PITHD1: variants seen among roughly 807,000 people sequenced by gnomAD.
PITHD1 encodes the protein PITH domain containing 1.
PITHD1 carries 8 observed loss-of-function variants against 27.5 expected under a neutral mutation model. The observed-to-expected ratio is 0.29, with a 90% CI of 0.17 to 0.52. PITHD1 has a LOEUF of 0.52. PITHD1 is among the 20% of genes least tolerant of loss of function. The pLI is 0.96. For synonymous variants in PITHD1, 118 were observed against 106.8 expected (o/e 1.10, Z -0.64); for missense variants, 233 against 283.9 (o/e 0.82, Z 1.29).
At chr1:23,779,985 CTT>C (rs771093032) in intron 3 of PITHD1, 44 bp downstream of exon 3, 5 of 1,195,348 alleles carry the variant, frequency 4.2e-6, no homozygotes, top group Non-Finnish European at 6.2e-6. Context: ...TCCTAATTCT[CTT>C]TTTCTGGTAA....
chr1:23,780,202 T>C (rs1397147939), intron 3 of PITHD1, among the ~76,000 whole-genome samples: 1 of 152,230 alleles, frequency 6.6e-6, no homozygotes, highest in Non-Finnish European at 1.5e-5. Context: ...TCAGAGAGCA[T>C]TGTGTAAATG....
chr1:23,782,988 T>C (rs1638624543), intron 3 of PITHD1, among the ~76,000 whole-genome samples: 1 of 150,912 alleles, frequency 6.6e-6, no homozygotes, highest in African/African-American at 2.4e-5. Flanking sequence ...TAAATATATG[T>C]ATTTTATTTT....
chr1:23,784,781 A>T (rs1638659853), intron 3 of PITHD1, among the ~76,000 whole-genome samples: 1 of 152,112 alleles, frequency 6.6e-6, no homozygotes, highest in South Asian at 2.1e-4. Flanking sequence ...CAGTGGCGTG[A>T]TCTTGGCTCA....
In PITHD1 at chr1:23,784,778, G is replaced by A. The variant is rs540197117; in HGVS notation, c.321-897G>A. On this transcript the variant is annotated intron_variant, in intron 3 of 5. Coordinates refer to ENST00000246151, the MANE Select transcript of PITHD1 (RefSeq NM_020362.5). ...GTCACCCAGGCTGGAGTACAGTGGC[G>A]TGATCTTGGCTCATTGCACCCTCTC... 1.4e-4 allele frequency among the ~76,000 whole-genome samples: 22 copies of A among 152,256 alleles called. No homozygotes were observed. In the South Asian group the frequency reaches 4.6e-3, roughly 32 times the overall value.
intron 3 of PITHD1, among the ~76,000 whole-genome samples, chr1:23,781,930 G>T (rs1278980206): frequency 6.6e-6 from 1 of 152,074 alleles, no homozygotes; most frequent in African/African-American, 2.4e-5. Context: ...ATAGCCCTCA[G>T]TTCTAAGCAC....
intron 3 of PITHD1, among the ~76,000 whole-genome samples, chr1:23,782,938 T>G (rs1469386538): frequency 6.6e-6 from 1 of 152,092 alleles, no homozygotes; most frequent in Non-Finnish European, 1.5e-5. Context: ...GCTGTTAATT[T>G]TGTTATCTGT....
intron 2 of PITHD1, 69 bp downstream of exon 2, chr1:23,779,550 C>G: frequency 8.6e-7 from 1 of 1,160,046 alleles, no homozygotes; most frequent in Non-Finnish European, 1.3e-6. Context: ...TGGATTCATT[C>G]ACTGGTGTCA....
At chr1:23,782,125 G>A (rs1305553639) in intron 3 of PITHD1, among the ~76,000 whole-genome samples, 5 of 152,140 alleles carry the variant, frequency 3.3e-5, no homozygotes, top group Non-Finnish European at 7.4e-5. Context: ...TGTTACTAAA[G>A]AATTACCATT....
chr1:23,785,527 T>G, intron 3 of PITHD1, 148 bp from the exon 4 acceptor site: 3 of 526,060 alleles, frequency 5.7e-6, no homozygotes, highest in Admixed American at 6.2e-5. Flanking sequence ...TGGAGATACT[T>G]GTATAAAATG....
At chr1:23,783,893 A>G (rs1638645907) in intron 3 of PITHD1, among the ~76,000 whole-genome samples, 1 of 152,364 alleles carries the variant, frequency 6.6e-6, no homozygotes, top group Non-Finnish European at 1.5e-5. Context: ...GAGATTCATT[A>G]TGTAATCTCT....
chr1:23,786,460 A>AC lies in PITHD1; in HGVS notation c.534+38dup, dbSNP rs777159263. Reference sequence around the variant, plus strand: ...TTGGAAAGGTTTTCCCCTCATGTCTACATATCTGCACACTGTGGTGATGGG... The same window carrying AC: ...TTGGAAAGGTTTTCCCCTCATGTCTACCATATCTGCACACTGTGGTGATGGG... On this transcript the variant is annotated intron_variant, in intron 5 of 5. Transcript: ENST00000246151. 4.4e-6 allele frequency: 4 copies of AC among 904,336 alleles called. No individual in the cohort carries two copies. The South Asian group carries it at 6.4e-5, about 14-fold the overall frequency. 56.0% of individuals were successfully genotyped at this position (904,336 alleles called of 1,614,324 possible). A position where few individuals can be genotyped will look rare whatever the true frequency, so the allele number is the denominator to read the frequency against.
chr1:23,781,086 G>C (rs1173180043), intron 3 of PITHD1, among the ~76,000 whole-genome samples: 2 of 152,062 alleles, frequency 1.3e-5, no homozygotes. Flanking sequence ...TACTTGGGAG[G>C]CTGAGGCAGG....
intron 3 of PITHD1, 69 bp from the exon 4 acceptor site, chr1:23,785,603 CAGT>C (rs1269225920): frequency 3.6e-6 from 3 of 834,750 alleles, no homozygotes; most frequent in South Asian, 1.4e-5. Flanking sequence ...TTTAAGCAGT[CAGT>C]AGAAAATTTT....
intron 3 of PITHD1, among the ~76,000 whole-genome samples, chr1:23,780,760 A>G (rs866243032): frequency 1.3e-5 from 2 of 152,028 alleles, no homozygotes; most frequent in Non-Finnish European, 2.9e-5. Context: ...CTGTAATCCC[A>G]GCTACTAGGG....
In PITHD1 at chr1:23,778,599, C is replaced by G. The variant is rs1439112429; in HGVS notation, c.84C>G (p.Ala28=). 1 of 1,330,216 alleles carries G rather than the reference C, an allele frequency of 7.5e-7. No homozygotes were observed. The highest frequency in any genetic ancestry group is 9.6e-7 in the Non-Finnish European group (1 of 1,041,590). The allele number at this position is 1,330,216 out of a possible 1,614,324, so 82.4% of individuals were successfully genotyped here. Residue 28 remains alanine (A), a synonymous_variant, in exon 1 of 6, where the codon GCC becomes GCG. Transcript: ENST00000246151. Reference sequence around the variant, plus strand: ...AGCCGCCCGAGCAGCGCGGCCTGGCCTACGGCCTGTACCTGCGCATCGACC... The same window carrying G: ...AGCCGCCCGAGCAGCGCGGCCTGGCGTACGGCCTGTACCTGCGCATCGACC... ...REEPPEQRGL[A]YGLYLRIDLE...
At chr1:23,784,174 T>A in intron 3 of PITHD1, among the ~76,000 whole-genome samples, 1 of 151,968 alleles carries the variant, frequency 6.6e-6, no homozygotes, top group East Asian at 1.9e-4. Flanking sequence ...AAATGTTTAC[T>A]ATTATTATTA....
rs1638671927 is a variant in PITHD1, at chr1:23,785,667, T to C, written c.321-8T>C. On this transcript the variant is annotated splice_region_variant and splice_polypyrimidine_tract_variant and intron_variant, in intron 3 of 5. Transcript: ENST00000246151. ...ATTTCTTGACTTTTCTTTCCTTTCC[T>C]TTCTCAGGTACAAGAATATTCCACA... is the stretch of plus-strand genomic sequence containing the variant. 1 of 1,558,844 alleles carries C rather than the reference T, an allele frequency of 6.4e-7. No individual in the cohort carries two copies. Among genetic ancestry groups the C allele is most frequent in the Non-Finnish European group, 8.8e-7 (1 of 1,130,716 alleles).
rs916069623 is a variant in PITHD1 at position 23,788,025 on chromosome 1, A to G, written c.*649A>G. On this transcript the variant is annotated 3_prime_UTR_variant, in exon 6 of 6. Coordinates refer to ENST00000246151, the MANE Select transcript of PITHD1 (RefSeq NM_020362.5). ...CTGCCTAGCTAAGCAGTCTGGGGAG[A>G]GCATGGGGATCATTTCTATGTGTGT... is the stretch of plus-strand genomic sequence containing the variant. 2.6e-5 allele frequency: 4 copies of G among 152,146 alleles called. No individual in the cohort carries two copies. Among genetic ancestry groups the G allele is most frequent in the African/African-American group, 9.7e-5 (4 of 41,406 alleles). The allele number at this position is 152,146 out of a possible 1,614,324, so 9.4% of individuals were successfully genotyped here.
In PITHD1 at chr1:23,778,454, G is replaced by GCGAGC. The variant is rs535865135; in HGVS notation, c.-51_-47dup. 4,583 of 1,220,590 alleles carry GCGAGC rather than the reference G, an allele frequency of 3.8e-3. 135 individuals are homozygous for GCGAGC. The African/African-American group carries it at 0.065, about 17-fold the overall frequency. 75.6% of individuals were successfully genotyped at this position (1,220,590 alleles called of 1,614,324 possible). ...CTGAACGGCGCGGAGCTGGTCTGAG[G>GCGAGC]CGAGCCGAGCCGAGCGAGCGCGGCG... is the stretch of plus-strand genomic sequence containing the variant. On this transcript the variant is annotated 5_prime_UTR_variant, in exon 1 of 6. Coordinates refer to ENST00000246151, the MANE Select transcript of PITHD1 (RefSeq NM_020362.5).
Sources: gnomAD v4.1 joint callset for allele counts (sites outside exome capture counted in the v4.1 genomes callset) on GRCh38, gnomAD v4.1.1 for gene constraint, MANE v1.5 for transcripts, NCBI Gene and HGNC (gene_info 2026-07-23, HGNC 2026-07-21) for gene names.